SDCCAG8: variants seen among roughly 807,000 people sequenced by gnomAD.
SDCCAG8 encodes SHH signaling and ciliogenesis regulator SDCCAG8.
A neutral mutation model predicts 101.8 loss-of-function variants in SDCCAG8; 74 were observed. That is an observed-to-expected ratio of 0.73 (90% confidence interval 0.60 to 0.88). The LOEUF is 0.88. SDCCAG8 is among the 40% of genes least tolerant of loss of function. The pLI is 0.00. For synonymous variants in SDCCAG8, 281 were observed against 292.9 expected (o/e 0.96, Z 0.41); for missense variants, 787 against 822.6 (o/e 0.96, Z 0.53).
chr1:243,472,428 C>T (rs1388002451), intron 16 of SDCCAG8, among the ~76,000 whole-genome samples: 1 of 152,182 alleles, frequency 6.6e-6, no homozygotes, highest in Non-Finnish European at 1.5e-5. Flanking sequence ...GAGGTCAGTA[C>T]CTGGTCTGTG....
At chr1:243,332,791 G>A (rs771396862) in intron 10 of SDCCAG8, among the ~76,000 whole-genome samples, 54 of 151,484 alleles carry the variant, frequency 3.6e-4, no homozygotes, top group East Asian at 3.9e-4. Flanking sequence ...TCGTGGTCCC[G>A]GTCTGGAGGT....
intron 4 of SDCCAG8, among the ~76,000 whole-genome samples, chr1:243,282,164 A>T (rs1029479608): frequency 6.7e-6 from 1 of 150,190 alleles, no homozygotes; most frequent in Non-Finnish European, 1.5e-5. Context: ...GTATGATTGC[A>T]TTTTTTTCCA....
At chr1:243,263,081 A>C (rs1160754480) in intron 1 of SDCCAG8, among the ~76,000 whole-genome samples, 1 of 152,158 alleles carries the variant, frequency 6.6e-6, no homozygotes, top group African/African-American at 2.4e-5. Flanking sequence ...AGAATAGCTC[A>C]CTGTCACGCT....
chr1:243,402,188 G>T (rs760590793), intron 13 of SDCCAG8, among the ~76,000 whole-genome samples: 6 of 152,104 alleles, frequency 3.9e-5, no homozygotes, highest in Non-Finnish European at 7.3e-5. Flanking sequence ...AACACTTTAG[G>T]AGGCCGAGGT....
intron 12 of SDCCAG8, among the ~76,000 whole-genome samples, chr1:243,363,335 T>C (rs1412288164): frequency 6.6e-6 from 1 of 152,228 alleles, no homozygotes; most frequent in Non-Finnish European, 1.5e-5. Context: ...GTAGCTTGCC[T>C]AGATACCGAT....
chr1:243,314,330 T>G (rs771750927), intron 8 of SDCCAG8, among the ~76,000 whole-genome samples: 7 of 152,240 alleles, frequency 4.6e-5, no homozygotes, highest in Non-Finnish European at 8.8e-5. Context: ...AGTTTTATCT[T>G]TGATAATTTT....
rs148842873 is a variant in SDCCAG8, at chr1:243,463,500, C to T, written c.1986-25514C>T. On this transcript the variant is annotated intron_variant, in intron 16 of 17. Coordinates refer to ENST00000366541, the MANE Select transcript of SDCCAG8 (RefSeq NM_006642.5). ...TTCTGTGCCTTGCTGGACCTCCTGA[C>T]TGCCCAGCCAGCCAGGGCTGCTCCT... is the stretch of plus-strand genomic sequence containing the variant. 3.5e-3 allele frequency among the ~76,000 whole-genome samples: 536 copies of T among 152,332 alleles called. 2 individuals are homozygous for T. The highest frequency in any genetic ancestry group is 0.02 in the East Asian group (105 of 5,176).
intron 12 of SDCCAG8, among the ~76,000 whole-genome samples, chr1:243,351,339 T>A (rs749015173): frequency 6.6e-6 from 1 of 152,226 alleles, no homozygotes; most frequent in East Asian, 1.9e-4. Flanking sequence ...ACCAGTATGC[T>A]AGACACTGTG....
chr1:243,495,714 C>T (rs1009917646), intron 17 of SDCCAG8, among the ~76,000 whole-genome samples: 8 of 152,294 alleles, frequency 5.3e-5, no homozygotes, highest in African/African-American at 1.7e-4. Context: ...CGGTCCTGCT[C>T]GAAGGCCGCG....
At chr1:243,301,037 C>G (rs2071447930) in intron 6 of SDCCAG8, among the ~76,000 whole-genome samples, 1 of 151,976 alleles carries the variant, frequency 6.6e-6, no homozygotes, top group Non-Finnish European at 1.5e-5. Flanking sequence ...CATCTACTAC[C>G]ATAAAATATA....
chr1:243,386,174 G>A (rs1293507342), intron 13 of SDCCAG8, among the ~76,000 whole-genome samples: 1 of 152,180 alleles, frequency 6.6e-6, no homozygotes, highest in African/African-American at 2.4e-5. Context: ...CCTATTTTCT[G>A]TAATTTACAG....
intron 17 of SDCCAG8, among the ~76,000 whole-genome samples, chr1:243,498,559 T>C (rs1436979153): frequency 2.0e-5 from 3 of 152,206 alleles, no homozygotes; most frequent in Non-Finnish European, 4.4e-5. Context: ...CTCACAGACC[T>C]GTTCAAGAAA....
intron 1 of SDCCAG8, among the ~76,000 whole-genome samples, chr1:243,268,609 T>C (rs1456015540): frequency 6.6e-6 from 1 of 152,232 alleles, no homozygotes; most frequent in Non-Finnish European, 1.5e-5. Context: ...CTGAAATACA[T>C]GTTTTCTTTT....
chr1:243,330,801 G>A lies in SDCCAG8; in HGVS notation c.1221+109G>A, dbSNP rs577543628. 1.5e-4 allele frequency: 154 copies of A among 1,055,302 alleles called. 1 individual carries two copies. The African/African-American group carries it at 2.0e-3, about 14-fold the overall frequency. 65.4% of individuals were successfully genotyped at this position (1,055,302 alleles called of 1,614,324 possible). On this transcript the variant is annotated intron_variant, in intron 10 of 17. Transcript: ENST00000366541. ...TGAATGAACTTTAAATTTTAAAATCGTTATTATATAAGTAGTTAAATTTCG... is the reference window on the plus strand; with the variant it reads ...TGAATGAACTTTAAATTTTAAAATCATTATTATATAAGTAGTTAAATTTCG...
intron 6 of SDCCAG8, among the ~76,000 whole-genome samples, chr1:243,295,822 C>G (rs1253250243): frequency 2.6e-5 from 4 of 152,056 alleles, no homozygotes; most frequent in African/African-American, 9.7e-5. Context: ...TATGCCTCCC[C>G]CTAGCACTGT....
At chr1:243,278,869 A>G (rs971547471) in intron 4 of SDCCAG8, among the ~76,000 whole-genome samples, 1 of 151,910 alleles carries the variant, frequency 6.6e-6, no homozygotes, top group Admixed American at 6.6e-5. Context: ...TGTAGCCTTG[A>G]CATCCTGGGC....
chr1:243,359,672 G>T (rs1422334227), intron 12 of SDCCAG8, among the ~76,000 whole-genome samples: 2 of 152,138 alleles, frequency 1.3e-5, no homozygotes, highest in Admixed American at 1.3e-4. Context: ...TAAAGTCAGG[G>T]TCTTAACTTA....
At chr1:243,341,570 C>T (rs2075383890) in intron 11 of SDCCAG8, among the ~76,000 whole-genome samples, 1 of 152,114 alleles carries the variant, frequency 6.6e-6, no homozygotes, top group African/African-American at 2.4e-5. Context: ...ACAATAATTG[C>T]CAAAGACATA....
intron 15 of SDCCAG8, 82 bp downstream of exon 15, chr1:243,418,158 G>A (rs926528570): frequency 1.1e-6 from 1 of 949,198 alleles, no homozygotes; most frequent in Admixed American, 1.8e-5. Context: ...CATTTGCACT[G>A]TTTTATAGTC....
Sources: gnomAD v4.1 joint callset for allele counts (sites outside exome capture counted in the v4.1 genomes callset) on GRCh38, gnomAD v4.1.1 for gene constraint, MANE v1.5 for transcripts, NCBI Gene and HGNC (gene_info 2026-07-23, HGNC 2026-07-21) for gene names.